JAZF1: variants seen among roughly 807,000 people sequenced by gnomAD.
JAZF1 encodes the protein juxtaposed with another zinc finger protein 1.
A neutral mutation model predicts 26.4 loss-of-function variants in JAZF1; 8 were observed. The observed-to-expected ratio is 0.30, with a 90% CI of 0.18 to 0.55. The LOEUF (loss-of-function observed/expected upper bound fraction) is 0.55, where lower values mean the gene tolerates loss of function less well. Ranked by LOEUF, JAZF1 falls within the 20% of genes least tolerant of loss-of-function variation. The pLI is 0.94. For synonymous variants in JAZF1, 126 were observed against 122.3 expected (o/e 1.03, Z -0.20); for missense variants, 199 against 322.0 (o/e 0.62, Z 2.92).
At chr7:27,904,430 T>G (rs1243773589) in intron 2 of JAZF1, among the ~76,000 whole-genome samples, 1 of 152,196 alleles carries the variant, frequency 6.6e-6, no homozygotes, top group Non-Finnish European at 1.5e-5. Flanking sequence ...GAGTAATCAT[T>G]TGTCAGCACC....
intron 1 of JAZF1, among the ~76,000 whole-genome samples, chr7:28,123,495 C>T (rs1782637483): frequency 6.6e-6 from 1 of 152,184 alleles, no homozygotes; most frequent in Non-Finnish European, 1.5e-5. Context: ...CATTGCAACC[C>T]CAGTGACCAG....
chr7:28,073,245 G>C (rs928290950), intron 1 of JAZF1, among the ~76,000 whole-genome samples: 1 of 152,126 alleles, frequency 6.6e-6, no homozygotes, highest in South Asian at 2.1e-4. Context: ...TCGTTGTGCC[G>C]GAGCGTGGCT....
chr7:27,900,050 G>A (rs1784140767), intron 2 of JAZF1, among the ~76,000 whole-genome samples: 1 of 152,158 alleles, frequency 6.6e-6, no homozygotes, highest in Admixed American at 6.5e-5. Context: ...TGGGACCACT[G>A]GGCTCCCCGG....
At chr7:28,180,432 T>G in intron 1 of JAZF1, 31 bp downstream of exon 1, 2 of 1,522,854 alleles carry the variant, frequency 1.3e-6, no homozygotes, top group Non-Finnish European at 1.8e-6. Context: ...TCCGCGCGCC[T>G]GGCACCCCCG....
chr7:27,901,650 A>G (rs191), intron 2 of JAZF1, among the ~76,000 whole-genome samples: 145,020 of 152,296 alleles, frequency 0.95, 69,155 homozygotes, highest in East Asian at 1. Flanking sequence ...GTGTGGTGTG[A>G]TGTGGCTGTG....
chr7:28,147,659 G>A (rs2127947317), intron 1 of JAZF1, among the ~76,000 whole-genome samples: 1 of 148,646 alleles, frequency 6.7e-6, no homozygotes, highest in South Asian at 2.2e-4. Context: ...ACCAGCCTGG[G>A]CAACACGGCA....
intron 2 of JAZF1, among the ~76,000 whole-genome samples, chr7:27,983,412 A>C (rs1785628020): frequency 6.6e-6 from 1 of 152,242 alleles, no homozygotes; most frequent in Admixed American, 6.5e-5. Context: ...AAGAGTAAAA[A>C]GAAACAAACC....
At chr7:28,170,349 G>A (rs1783439360) in intron 1 of JAZF1, among the ~76,000 whole-genome samples, 1 of 9,342 alleles carries the variant, frequency 1.1e-4, no homozygotes, top group African/African-American at 3.5e-4. Context: ...GTGTGTGTGT[G>A]TGTGTGTGTG....
At chr7:28,126,607 G>C (rs1432517637) in intron 1 of JAZF1, among the ~76,000 whole-genome samples, 2 of 152,206 alleles carry the variant, frequency 1.3e-5, no homozygotes, top group Non-Finnish European at 2.9e-5. Flanking sequence ...AGAACAGGAA[G>C]GGGAGCGGTG....
At chr7:27,982,236 G>A (rs747300426) in intron 2 of JAZF1, among the ~76,000 whole-genome samples, 4 of 152,072 alleles carry the variant, frequency 2.6e-5, no homozygotes, top group African/African-American at 4.8e-5. Context: ...CTGGAAAATC[G>A]GGACACTCCC....
At chr7:27,975,709 T>G (rs1785457337) in intron 2 of JAZF1, among the ~76,000 whole-genome samples, 1 of 152,192 alleles carries the variant, frequency 6.6e-6, no homozygotes, top group African/African-American at 2.4e-5. Context: ...TGTGATAAGT[T>G]TAAAAATTTT....
intron 2 of JAZF1, among the ~76,000 whole-genome samples, chr7:27,923,031 C>T (rs1384848603): frequency 1.3e-5 from 2 of 152,152 alleles, no homozygotes; most frequent in Non-Finnish European, 2.9e-5. Context: ...ATGAGGAGGC[C>T]GTGGTCTGGA....
rs550171419 is a variant in JAZF1, at chr7:28,055,530, G to A, written c.116-63549C>T. On this transcript the variant is annotated intron_variant, in intron 1 of 4. Coordinates refer to ENST00000283928, the MANE Select transcript of JAZF1 (RefSeq NM_175061.4). ...ATCTTGGACTGTTAAACATATGTATGTATACCTTTCCAGCTTCCTCCAAAT... is the reference window on the plus strand; with the variant it reads ...ATCTTGGACTGTTAAACATATGTATATATACCTTTCCAGCTTCCTCCAAAT... Among the ~76,000 whole-genome samples, 3 of 152,270 alleles carry A rather than the reference G, an allele frequency of 2.0e-5. No individual in the cohort carries two copies. In the East Asian group the frequency reaches 5.8e-4, roughly 29 times the overall value.
intron 1 of JAZF1, among the ~76,000 whole-genome samples, chr7:28,139,990 G>A (rs1782939351): frequency 1.3e-5 from 2 of 152,058 alleles, no homozygotes; most frequent in Admixed American, 1.3e-4. Flanking sequence ...GGTTGGGGAG[G>A]GAGACTAGAA....
At chr7:27,850,274 G>A (rs1363229745) in intron 3 of JAZF1, among the ~76,000 whole-genome samples, 2 of 152,194 alleles carry the variant, frequency 1.3e-5, no homozygotes, top group African/African-American at 4.8e-5. Flanking sequence ...TTGGCAACGA[G>A]TGATTACAAT....
chr7:27,971,277 C>T (rs1226374682), intron 2 of JAZF1, among the ~76,000 whole-genome samples: 2 of 152,164 alleles, frequency 1.3e-5, no homozygotes, highest in Non-Finnish European at 2.9e-5. Flanking sequence ...GAGACAACCT[C>T]TGCACAGGCC....
chr7:28,018,532 TA>T (rs1782941256), intron 1 of JAZF1, among the ~76,000 whole-genome samples: 1 of 152,192 alleles, frequency 6.6e-6, no homozygotes, highest in Non-Finnish European at 1.5e-5. Context: ...GCATCATTAT[TA>T]ACAGCACCCC....
intron 3 of JAZF1, among the ~76,000 whole-genome samples, chr7:27,854,155 G>T (rs1170532307): frequency 6.6e-6 from 1 of 152,156 alleles, no homozygotes; most frequent in Admixed American, 6.5e-5. Flanking sequence ...GATCTTTGCT[G>T]GTTTAAAGTC....
chr7:27,911,367 C>T (rs1340277176), intron 2 of JAZF1, among the ~76,000 whole-genome samples: 1 of 152,098 alleles, frequency 6.6e-6, no homozygotes, highest in African/African-American at 2.4e-5. Flanking sequence ...GGTTATCAGT[C>T]CTATTTACAG....
Sources: allele counts gnomAD v4.1 joint callset (sites outside exome capture counted in the v4.1 genomes callset), GRCh38; gene constraint gnomAD v4.1.1; transcripts MANE v1.5; gene names NCBI Gene and HGNC (gene_info 2026-07-23, HGNC 2026-07-21).